The following DCDC2 variants were observed in gnomAD, a reference collection of about 807,000 sequenced individuals.
DCDC2 encodes doublecortin domain-containing protein 2.
A neutral mutation model predicts 50.2 loss-of-function variants in DCDC2; 40 were observed. The ratio of observed to expected loss-of-function variants is 0.80; its 90% CI spans 0.62 to 1.04. The LOEUF (loss-of-function observed/expected upper bound fraction) is 1.04. Ranked by LOEUF, DCDC2 falls within the 50% of genes least tolerant of loss-of-function variation. DCDC2 has a pLI of 0.00. For missense variants in DCDC2, 570 were observed against 581.9 expected (o/e 0.98, Z 0.21); for synonymous variants, 234 against 210.6 (o/e 1.11, Z -0.96).
chr6:24,366,994 G>A, the DCDC2 span, among the ~76,000 whole-genome samples: 5 of 152,020 alleles, frequency 3.3e-5, no homozygotes, highest in East Asian at 7.8e-4. Flanking sequence ...CACTACAACC[G>A]GCTAATTTTT....
intron 7 of DCDC2, among the ~76,000 whole-genome samples, chr6:24,269,700 G>C (rs1028894273): frequency 2.0e-5 from 3 of 152,082 alleles, no homozygotes; most frequent in African/African-American, 7.2e-5. Flanking sequence ...CAGAGCTTAA[G>C]TCCTAGAATG....
chr6:24,213,545 A>G (rs568629647), intron 7 of DCDC2, among the ~76,000 whole-genome samples: 3 of 152,292 alleles, frequency 2.0e-5, no homozygotes, highest in African/African-American at 7.2e-5. Context: ...TAAAATTGGT[A>G]AGAAGGTGAT....
At chr6:24,191,401 G>A (rs1360957249) in intron 8 of DCDC2, among the ~76,000 whole-genome samples, 1 of 152,164 alleles carries the variant, frequency 6.6e-6, no homozygotes, top group Non-Finnish European at 1.5e-5. Flanking sequence ...CCTCTAAGCT[G>A]CAGTTTCTTT....
chr6:24,307,351 G>A (rs1287694365), intron 2 of DCDC2, among the ~76,000 whole-genome samples: 1 of 152,124 alleles, frequency 6.6e-6, no homozygotes, highest in Admixed American at 6.6e-5. Flanking sequence ...GAATTTAAAA[G>A]CTCAATTTTC....
chr6:24,183,449 C>T (rs929990023), intron 8 of DCDC2, among the ~76,000 whole-genome samples: 2 of 152,026 alleles, frequency 1.3e-5, no homozygotes, highest in African/African-American at 4.8e-5. Context: ...TTTCCTTTAC[C>T]AAGACACTAA....
chr6:24,205,049 C>T lies in DCDC2; in HGVS notation c.976G>A (p.Glu326Lys). 6.2e-7 allele frequency: 1 copy of T among 1,614,124 alleles called. No homozygotes were observed. Among genetic ancestry groups the T allele is most frequent in the South Asian group, 1.1e-5 (1 of 91,074 alleles). ...TGAGTATCTTCATCTTCTTGGACTT[C>T]TGCTGCCCCCCGTGTTTCAGACCTC... is the stretch of plus-strand genomic sequence containing the variant. ...AERSETRGAAEVQEDEDTQVE... is the reference protein window; with the variant it reads ...AERSETRGAAKVQEDEDTQVE... The change falls in exon 8 of 10, where the codon GAA (glutamate) becomes AAA (lysine). Residue 326 changes from glutamate to lysine, a missense_variant. Physicochemically the swap from Glu to Lys is moderately conservative, Grantham distance 56 (BLOSUM62 1). Transcript: ENST00000378454.
intron 2 of DCDC2, among the ~76,000 whole-genome samples, chr6:24,312,030 T>C (rs1759579970): frequency 1.3e-5 from 2 of 152,134 alleles, no homozygotes; most frequent in African/African-American, 4.8e-5. Flanking sequence ...CCATTGTGAT[T>C]TGTTCCTGCC....
At position 24,205,667 on chromosome 6, in the gene DCDC2, A is replaced by G. The variant is rs144068219; in HGVS notation, c.923-565T>C. Among the ~76,000 whole-genome samples, 8 of 152,332 alleles carry G rather than the reference A, an allele frequency of 5.3e-5. No homozygotes were observed. In the East Asian group the frequency reaches 1.4e-3, roughly 26 times the overall value. On this transcript the variant is annotated intron_variant, in intron 7 of 9. Transcript: ENST00000378454. ...TGCAGATCTCCACAAGATTTTCACA[A>G]CCTATGACTTTAAATCCTTAACTAT...
intron 4 of DCDC2, among the ~76,000 whole-genome samples, chr6:24,299,724 G>A (rs566916943): frequency 6.6e-6 from 1 of 152,046 alleles, no homozygotes; most frequent in East Asian, 1.9e-4. Context: ...AACTAGCCTG[G>A]CCAACATGGT....
At chr6:24,259,180 T>C (rs972821155) in intron 7 of DCDC2, among the ~76,000 whole-genome samples, 1 of 152,186 alleles carries the variant, frequency 6.6e-6, no homozygotes, top group African/African-American at 2.4e-5. Flanking sequence ...GAGAATTTTT[T>C]AATTTGTGCA....
At chr6:24,315,934 G>A (rs1187559333) in intron 2 of DCDC2, among the ~76,000 whole-genome samples, 1 of 152,202 alleles carries the variant, frequency 6.6e-6, no homozygotes, top group Non-Finnish European at 1.5e-5. Context: ...CCTGGGGGAT[G>A]ACTGAGGAAA....
At chr6:24,194,399 T>C (rs888944338) in intron 8 of DCDC2, among the ~76,000 whole-genome samples, 1 of 152,188 alleles carries the variant, frequency 6.6e-6, no homozygotes, top group Non-Finnish European at 1.5e-5. Context: ...ATTTTTCAAT[T>C]CTCATTATTT....
intron 7 of DCDC2, among the ~76,000 whole-genome samples, chr6:24,237,550 C>T (rs1459837100): frequency 6.6e-6 from 1 of 152,192 alleles, no homozygotes; most frequent in African/African-American, 2.4e-5. Flanking sequence ...ATAATTGAAA[C>T]CAGTAATCCC....
chr6:24,340,871 A>G (rs1216689577), intron 2 of DCDC2, among the ~76,000 whole-genome samples: 1 of 152,144 alleles, frequency 6.6e-6, no homozygotes, highest in Non-Finnish European at 1.5e-5. Flanking sequence ...GACTACAGGC[A>G]CGTACCACTA....
chr6:24,191,969 G>C (rs778946529), intron 8 of DCDC2, among the ~76,000 whole-genome samples: 6 of 152,096 alleles, frequency 3.9e-5, no homozygotes, highest in Non-Finnish European at 1.5e-5. Context: ...CCTAAAGAAG[G>C]CTTGGGGATG....
chr6:24,294,989 C>T lies in DCDC2; in HGVS notation c.558-3911G>A, dbSNP rs531678250. On this transcript the variant is annotated intron_variant, in intron 4 of 9. Coordinates refer to ENST00000378454, the MANE Select transcript of DCDC2 (RefSeq NM_016356.5). ...CTATGAGGCCAGCATCATCCTGATA[C>T]CCAAACCTGGCAGAGACACAACAAA... 3.3e-5 allele frequency among the ~76,000 whole-genome samples: 5 copies of T among 152,140 alleles called. No individual in the cohort carries two copies. In the South Asian group the frequency reaches 1.0e-3, roughly 32 times the overall value.
At chr6:24,379,005 G>A in the DCDC2 span, among the ~76,000 whole-genome samples, 2 of 146,142 alleles carry the variant, frequency 1.4e-5, no homozygotes, top group African/African-American at 5.0e-5. Flanking sequence ...GCAGAAAGCT[G>A]AAACTGGATC....
chr6:24,262,202 A>G (rs1237874480), intron 7 of DCDC2, among the ~76,000 whole-genome samples: 1 of 149,594 alleles, frequency 6.7e-6, no homozygotes, highest in Non-Finnish European at 1.5e-5. Context: ...AGTAATTGTG[A>G]GACTTTGCAT....
chr6:24,301,946 A>C (rs199553643), intron 3 of DCDC2, 22 bp downstream of exon 3: 11 of 1,611,934 alleles, frequency 6.8e-6, no homozygotes, highest in Middle Eastern at 1.7e-4. Context: ...TTTAACTTGA[A>C]GTATAAAGGG....
Sources: allele counts gnomAD v4.1 joint callset (sites outside exome capture counted in the v4.1 genomes callset), GRCh38; gene constraint gnomAD v4.1.1; transcripts MANE v1.5; gene names NCBI Gene and HGNC (gene_info 2026-07-23, HGNC 2026-07-21).